The following LSG1 variants were observed in gnomAD, a reference collection of about 807,000 sequenced individuals.
The protein encoded by LSG1 is large 60S subunit nuclear export GTPase 1, also known as large subunit GTPase 1 homolog.
Under a neutral mutation model 82.6 loss-of-function variants are expected in LSG1, and 55 were observed. The ratio of observed to expected loss-of-function variants is 0.67; its 90% CI spans 0.54 to 0.83. LSG1 has a LOEUF of 0.83. Ranked by LOEUF, LSG1 falls within the 40% of genes least tolerant of loss-of-function variation. The pLI, the probability that LSG1 is intolerant of heterozygous loss-of-function variation, is 0.00. For missense variants in LSG1, 809 were observed against 807.9 expected, an observed-to-expected ratio of 1.00 and a Z score of -0.02; for synonymous variants, 272 against 282.5, an observed-to-expected ratio of 0.96 and a Z score of 0.37.
intron 12 of LSG1, chr3:194,645,209 A>G (rs1194660528): frequency 6.6e-6 from 1 of 152,570 alleles, no homozygotes. Context: ...GAAGGCTGTG[A>G]CTATTTTTAC....
rs186216905 is a variant in LSG1 at position 194,642,335 on chromosome 3, A to G, written c.1798-88T>C. On this transcript the variant is annotated intron_variant, in intron 13 of 13. Transcript: ENST00000265245. ...AGTACTATTAGTGGATCACTTCAAG[A>G]TAAAAAGGAGTCAGTCACTGGGTGA... The G allele has an allele frequency of 2.0e-3, 2,309 of 1,136,974 alleles. 4 individuals carry two copies. Among genetic ancestry groups the G allele is most frequent in the Non-Finnish European group, 2.2e-3 (1,798 of 823,100 alleles). The allele number at this position is 1,136,974 out of a possible 1,614,324, so 70.4% of individuals were successfully genotyped here. A position where few individuals can be genotyped will look rare whatever the true frequency, so the allele number is the denominator to read the frequency against.
intron 7 of LSG1, among the ~76,000 whole-genome samples, chr3:194,658,733 T>C (rs1718858027): frequency 6.6e-6 from 1 of 152,124 alleles, no homozygotes; most frequent in African/African-American, 2.4e-5. Context: ...AAAATACAGC[T>C]AATATCAGTG....
chr3:194,645,543 C>CACACACACACAGACAGACAG, intron 12 of LSG1: 1 of 45,348 alleles, frequency 2.2e-5, no homozygotes, highest in Non-Finnish European at 4.5e-5. Flanking sequence ...CAGACACACA[C>CACACACACACAGACAGACAG]ACACACACAC....
rs556838893 is a variant in LSG1, at chr3:194,641,759, G to A, written c.*309C>T. On this transcript the variant is annotated 3_prime_UTR_variant, in exon 14 of 14. Transcript: ENST00000265245. ...CTCCCGAGTAGCTGGGATTACAGGT[G>A]CGCGCCACCACGCCTGGCTAATTTT... 5.4e-4 allele frequency: 105 copies of A among 195,074 alleles called. No homozygotes were observed. Among genetic ancestry groups the A allele is most frequent in the South Asian group, 2.6e-3 (19 of 7,224 alleles). The allele number at this position is 195,074 out of a possible 1,614,324, so 12.1% of individuals were successfully genotyped here. A position where few individuals can be genotyped will look rare whatever the true frequency, so the allele number is the denominator to read the frequency against.
chr3:194,648,951 A>G (rs1458552284), intron 10 of LSG1, 147 bp from the exon 11 acceptor site: 1 of 736,928 alleles, frequency 1.4e-6, no homozygotes, highest in East Asian at 3.0e-5. Context: ...TGATTAATCT[A>G]AAAAGACTCA....
chr3:194,658,903 C>T, intron 7 of LSG1, 54 bp downstream of exon 7: 1 of 1,457,454 alleles, frequency 6.9e-7, no homozygotes, highest in Non-Finnish European at 9.3e-7. Context: ...AGCACATTAA[C>T]AAGAAATCAA....
Position 194,642,107 on chromosome 3 carries a change from T to C in LSG1, c.1938A>G (p.Lys646=). ...PWKKHGNRNK[K]EKSRRLYKHL... ...GCTTGTAGAGTCTACGACTTTTTTC[T>C]TTTTTATTTCTGTTGCCATGTTTTT... is the stretch of plus-strand genomic sequence containing the variant. Residue 646 remains lysine (K), a synonymous_variant, in exon 14 of 14, where the codon AAA becomes AAG. Coordinates refer to ENST00000265245, the MANE Select transcript of LSG1 (RefSeq NM_018385.3). 6.2e-7 allele frequency: 1 copy of C among 1,613,450 alleles called. No individual in the cohort carries two copies. The highest frequency in any genetic ancestry group is 1.1e-5 in the South Asian group (1 of 91,044).
intron 12 of LSG1, among the ~76,000 whole-genome samples, chr3:194,645,927 G>A (rs1718541168): frequency 6.6e-6 from 1 of 152,124 alleles, no homozygotes; most frequent in African/African-American, 2.4e-5. Flanking sequence ...GGCTGTAGGA[G>A]ACAAAAAAAG....
intron 12 of LSG1, chr3:194,645,274 C>T (rs1718495494): frequency 6.6e-6 from 1 of 152,208 alleles, no homozygotes; most frequent in South Asian, 2.1e-4. Context: ...CTTATCCATA[C>T]CAATAGCATG....
rs180865893 is a variant in LSG1, at chr3:194,648,844, T to A, written c.1420-40A>T. The A allele has an allele frequency of 2.1e-4, 335 of 1,611,440 alleles. 2 individuals carry two copies. The East Asian group carries it at 5.9e-3, about 28-fold the overall frequency. ...AATCCATTCTCTTGAACGGACTCCC[T>A]CCTCCCCATGGCATACAAATCGTGC... On this transcript the variant is annotated intron_variant, in intron 10 of 13. Transcript: ENST00000265245.
intron 7 of LSG1, among the ~76,000 whole-genome samples, chr3:194,656,907 CA>C: frequency 6.6e-6 from 1 of 151,940 alleles, no homozygotes; most frequent in African/African-American, 2.4e-5. Context: ...GACAAAAAAC[CA>C]AACACCGCAT....
intron 1 of LSG1, among the ~76,000 whole-genome samples, chr3:194,670,834 C>A (rs1403881317): frequency 6.6e-6 from 1 of 152,080 alleles, no homozygotes; most frequent in East Asian, 1.9e-4. Flanking sequence ...AACCCCAGCT[C>A]CTCAAGAGGC....
intron 2 of LSG1, among the ~76,000 whole-genome samples, chr3:194,668,354 A>C (rs187040970): frequency 5.3e-5 from 8 of 152,264 alleles, no homozygotes; most frequent in Admixed American, 3.3e-4. Flanking sequence ...GAACTGCCAA[A>C]ATTTTTTTAT....
chr3:194,668,714 A>C (rs1243875584), intron 2 of LSG1, among the ~76,000 whole-genome samples: 1 of 152,214 alleles, frequency 6.6e-6, no homozygotes, highest in Non-Finnish European at 1.5e-5. Context: ...CTTTTAAAAA[A>C]TGAAATCTCA....
At position 194,645,531 on chromosome 3, in the gene LSG1, G is replaced by GACACACACACACACACACAC. The variant is rs1718511520; in HGVS notation, c.1623+632_1623+633insGTGTGTGTGTGTGTGTGTGT. ...ACACACACACACACACACACACACA[G>GACACACACACACACACACAC]ACAGACACACACACACACACACACA... On this transcript the variant is annotated intron_variant, in intron 12 of 13. Coordinates refer to ENST00000265245, the MANE Select transcript of LSG1 (RefSeq NM_018385.3). 1.1e-4 allele frequency: 4 copies of GACACACACACACACACACAC among 35,112 alleles called. 1 individual carries two copies. The highest frequency in any genetic ancestry group is 8.4e-4 in the East Asian group (1 of 1,184). 2.2% of individuals were successfully genotyped at this position (35,112 alleles called of 1,614,324 possible).
chr3:194,660,121 G>T lies in LSG1; in HGVS notation c.534C>A (p.Val178=). 6.2e-7 allele frequency: 1 copy of T among 1,613,812 alleles called. No homozygotes were observed. Among genetic ancestry groups the T allele is most frequent in the South Asian group, 1.1e-5 (1 of 91,042 alleles). Residue 178 remains valine, a synonymous_variant, in exon 6 of 14, where the codon GTC becomes GTA. Coordinates refer to ENST00000265245, the MANE Select transcript of LSG1 (RefSeq NM_018385.3). ...WRVIERSDIV[V]QIVDARNPLL... is the part of the protein sequence containing the mutation. ...GTGGGTTTCGAGCATCTACTATCTG[G>T]ACCACAATATCACTGAAAAACAAAC...
At chr3:194,659,183 A>C (rs75362496) in intron 6 of LSG1, 50 bp from the exon 7 acceptor site, 1 of 1,435,294 alleles carries the variant, frequency 7.0e-7, no homozygotes, top group Non-Finnish European at 9.6e-7. Flanking sequence ...AAGTAAAAAA[A>C]TGAGGCTAAT....
chr3:194,650,989 G>C lies in LSG1; in HGVS notation c.1311C>G (p.Asp437Glu). 6.2e-7 allele frequency: 1 copy of C among 1,614,226 alleles called. No individual in the cohort carries two copies. Among genetic ancestry groups the C allele is most frequent in the Non-Finnish European group, 8.5e-7 (1 of 1,180,040 alleles). The change falls in exon 10 of 14, where the codon GAC becomes GAG. Residue 437 changes from aspartate (D) to glutamate (E), a missense_variant. Physicochemically the swap from Asp to Glu is conservative, Grantham distance 45. Coordinates refer to ENST00000265245, the MANE Select transcript of LSG1 (RefSeq NM_018385.3). ...AAGATGGCATCACCAAGCCAGGACA[G>C]TCACACAGGCAGAGGCCAGGCTCCA... ...LYVEPGLCLCDCPGLVMPSFV... is the reference protein window; with the variant it reads ...LYVEPGLCLCECPGLVMPSFV...
chr3:194,671,944 T>A, intron 1 of LSG1, 120 bp downstream of exon 1: 1 of 870,406 alleles, frequency 1.1e-6, no homozygotes, highest in South Asian at 1.4e-5. Context: ...AAACTCCAAC[T>A]CATCCTTCAA....
Sources: gnomAD v4.1 joint callset for allele counts (sites outside exome capture counted in the v4.1 genomes callset) on GRCh38, gnomAD v4.1.1 for gene constraint, MANE v1.5 for transcripts, NCBI Gene and HGNC (gene_info 2026-07-23, HGNC 2026-07-21) for gene names.